The following SGCD variants were observed in gnomAD, a reference collection of about 807,000 sequenced individuals.
SGCD encodes the protein sarcoglycan delta.
A neutral mutation model predicts 36.6 loss-of-function variants in SGCD; 18 were observed. The ratio of observed to expected loss-of-function variants is 0.49; its 90% CI spans 0.34 to 0.73. The LOEUF is 0.73. SGCD is among the 30% of genes least tolerant of loss of function. The probability of loss-of-function intolerance (pLI) is 0.01; values close to 1 mark genes in which losing one functional copy is unlikely to be tolerated. For synonymous variants in SGCD, 133 were observed against 130.6 expected (o/e 1.02, Z -0.12); for missense variants, 387 against 346.7 (o/e 1.12, Z -0.92).
intron 2 of SGCD, among the ~76,000 whole-genome samples, chr5:156,119,572 C>T (rs1761984642): frequency 6.6e-6 from 1 of 152,098 alleles, no homozygotes; most frequent in South Asian, 2.1e-4. Flanking sequence ...GGACCCAAAT[C>T]TGTTGGCATA....
chr5:155,750,195 A>G, the SGCD span, among the ~76,000 whole-genome samples: 80,192 of 152,120 alleles, frequency 0.53, 23,461 homozygotes, highest in South Asian at 0.72. Context: ...GAATCTGGGC[A>G]CTTGTAACAA....
intron 3 of SGCD, among the ~76,000 whole-genome samples, chr5:156,218,112 A>G (rs1012613519): frequency 5.3e-5 from 8 of 152,112 alleles, no homozygotes; most frequent in African/African-American, 1.9e-4. Flanking sequence ...CGTCTCTACT[A>G]AAAATACAAA....
At chr5:156,756,579 G>C (rs1420027114) in intron 7 of SGCD, among the ~76,000 whole-genome samples, 1 of 152,150 alleles carries the variant, frequency 6.6e-6, no homozygotes, top group Non-Finnish European at 1.5e-5. Context: ...TTAGGGGATG[G>C]TTGAGTTTCA....
intron 1 of SGCD, among the ~76,000 whole-genome samples, chr5:156,000,857 G>C (rs978646871): frequency 2.0e-5 from 3 of 151,814 alleles, no homozygotes; most frequent in Admixed American, 6.6e-5. Flanking sequence ...TTATGTCTGG[G>C]ATGGGGCCTA....
At chr5:156,708,467 A>G (rs1353362003) in intron 7 of SGCD, among the ~76,000 whole-genome samples, 1 of 152,202 alleles carries the variant, frequency 6.6e-6, no homozygotes. Flanking sequence ...CTTATTAAGC[A>G]GAGTGCATAG....
intron 3 of SGCD, among the ~76,000 whole-genome samples, chr5:156,201,658 A>G (rs1395765053): frequency 6.6e-6 from 1 of 152,144 alleles, no homozygotes; most frequent in Non-Finnish European, 1.5e-5. Flanking sequence ...TACTAAAATC[A>G]AATTAAAATC....
chr5:156,553,139 C>A (rs1359865403), intron 4 of SGCD, among the ~76,000 whole-genome samples: 2 of 152,104 alleles, frequency 1.3e-5, no homozygotes, highest in Admixed American at 6.6e-5. Flanking sequence ...TAACAACCAG[C>A]CCTTGTGGAA....
chr5:156,436,746 G>A (rs1033252756), intron 3 of SGCD, among the ~76,000 whole-genome samples: 1 of 152,132 alleles, frequency 6.6e-6, no homozygotes, highest in South Asian at 2.1e-4. Flanking sequence ...CTGGTACCTT[G>A]AAGGAAATGT....
chr5:156,038,967 C>T (rs1327639330), intron 1 of SGCD, among the ~76,000 whole-genome samples: 1 of 152,146 alleles, frequency 6.6e-6, no homozygotes, highest in Non-Finnish European at 1.5e-5. Context: ...TCACCAGGGC[C>T]ACCTGCTTGC....
chr5:156,157,286 G>T (rs1279977765), intron 3 of SGCD, among the ~76,000 whole-genome samples: 3 of 151,688 alleles, frequency 2.0e-5, no homozygotes, highest in African/African-American at 7.3e-5. Flanking sequence ...GTCTTCACGT[G>T]CACTATGGGC....
chr5:156,695,012 T>C (rs1281254314), intron 7 of SGCD, among the ~76,000 whole-genome samples: 2 of 152,184 alleles, frequency 1.3e-5, no homozygotes, highest in Admixed American at 1.3e-4. Context: ...TTGTGTTTCC[T>C]TCCTTCTTAA....
At chr5:155,739,172 T>C in the SGCD span, among the ~76,000 whole-genome samples, 2 of 152,186 alleles carry the variant, frequency 1.3e-5, no homozygotes, top group African/African-American at 4.8e-5. Flanking sequence ...AAGATAATGG[T>C]CCCTGCCCTT....
At chr5:156,041,283 C>T (rs1386066377) in intron 1 of SGCD, among the ~76,000 whole-genome samples, 1 of 152,182 alleles carries the variant, frequency 6.6e-6, no homozygotes, top group Non-Finnish European at 1.5e-5. Flanking sequence ...CGTGCTGAGC[C>T]CCAGAATGGG....
chr5:156,069,920 G>C (rs1173841482), intron 1 of SGCD, among the ~76,000 whole-genome samples: 1 of 151,958 alleles, frequency 6.6e-6, no homozygotes, highest in Non-Finnish European at 1.5e-5. Flanking sequence ...CTCATGATTT[G>C]GCTCTCTGTT....
chr5:156,098,065 T>C (rs1761424234), intron 1 of SGCD, among the ~76,000 whole-genome samples: 1 of 152,162 alleles, frequency 6.6e-6, no homozygotes, highest in Non-Finnish European at 1.5e-5. Context: ...GAGGGAATTG[T>C]GGTATTCTCT....
chr5:156,684,213 G>A (rs1188033939), intron 7 of SGCD, among the ~76,000 whole-genome samples: 1 of 152,108 alleles, frequency 6.6e-6, no homozygotes, highest in Non-Finnish European at 1.5e-5. Flanking sequence ...TGATGTCACT[G>A]AGAGTTAGGA....
At chr5:155,779,044 C>G in the SGCD span, among the ~76,000 whole-genome samples, 1 of 152,160 alleles carries the variant, frequency 6.6e-6, no homozygotes, top group Admixed American at 6.5e-5. Flanking sequence ...GAATAAGACT[C>G]TGTGATCTCT....
intron 4 of SGCD, among the ~76,000 whole-genome samples, chr5:156,565,476 G>C (rs955886415): frequency 6.6e-6 from 1 of 152,046 alleles, no homozygotes; most frequent in Non-Finnish European, 1.5e-5. Context: ...ATAAATCAAA[G>C]TAATTGTTCA....
At chr5:156,730,336 C>T (rs534049212) in intron 7 of SGCD, among the ~76,000 whole-genome samples, 7 of 152,042 alleles carry the variant, frequency 4.6e-5, no homozygotes, top group Non-Finnish European at 1.0e-4. Flanking sequence ...AGATATTAAG[C>T]TTAGTAACCA....
Sources: allele counts gnomAD v4.1 joint callset (sites outside exome capture counted in the v4.1 genomes callset), GRCh38; gene constraint gnomAD v4.1.1; transcripts MANE v1.5; gene names NCBI Gene and HGNC (gene_info 2026-07-23, HGNC 2026-07-21).